Variants in PTK2 observed in about 807,000 individuals in gnomAD.
PTK2 encodes the protein protein tyrosine kinase 2.
Under a neutral mutation model 150.1 loss-of-function variants are expected in PTK2, and 45 were observed. The ratio of observed to expected loss-of-function variants is 0.30; its 90% CI spans 0.24 to 0.38. PTK2 has a LOEUF of 0.38. Ranked by LOEUF, PTK2 falls within the 10% of genes least tolerant of loss-of-function variation. The probability of loss-of-function intolerance (pLI) is 1.00; values close to 1 mark genes in which losing one functional copy is unlikely to be tolerated. For synonymous variants in PTK2, 432 were observed against 449.2 expected, an observed-to-expected ratio of 0.96 and a Z score of 0.48; for missense variants, 919 against 1,307.3, an observed-to-expected ratio of 0.70 and a Z score of 4.58.
Position 140,662,133 on chromosome 8 carries a change from C to CA in PTK2, c.2947-2456dup, listed in dbSNP as rs1197231528. Among the ~76,000 whole-genome samples the CA allele has an allele frequency of 3.3e-5, 5 of 151,792 alleles. No homozygotes were observed. In the South Asian group the frequency reaches 6.2e-4, roughly 19 times the overall value. ...GCAACACAGTAAGACACTGTCTCTA[C>CA]AAAAAAATAAAGAATTAGCTGGGCG... On this transcript the variant is annotated intron_variant, in intron 31 of 31. Transcript: ENST00000522684.
intron 1 of PTK2, among the ~76,000 whole-genome samples, chr8:140,938,919 G>A (rs1363135364): frequency 6.6e-6 from 1 of 152,022 alleles, no homozygotes; most frequent in Admixed American, 6.5e-5. Flanking sequence ...AAGGCAGGAG[G>A]ATCGCTTGAG....
rs2093762984 is a variant in PTK2 at position 140,668,554 on chromosome 8, G to A, written c.2710-130C>T. 7.7e-6 allele frequency: 8 copies of A among 1,040,606 alleles called. No homozygotes were observed. The East Asian group carries it at 2.0e-4, about 26-fold the overall frequency. 64.5% of individuals were successfully genotyped at this position (1,040,606 alleles called of 1,614,324 possible). On this transcript the variant is annotated intron_variant, in intron 29 of 31. Coordinates refer to ENST00000522684, the Ensembl canonical transcript of PTK2. ...GAAGGTCATTGATTTTCTTGTGTGT[G>A]CGGGATATAGTTCAGATTGAGAATG...
intron 1 of PTK2, among the ~76,000 whole-genome samples, chr8:141,000,087 T>TCTCACACACACACACACACACA (rs765058833): frequency 1.8e-4 from 15 of 81,650 alleles, no homozygotes; most frequent in South Asian, 4.3e-4. Context: ...TGAAACCAAT[T>TCTCACACACACACACACACACA]CACACACACA....
chr8:140,840,667 A>C (rs985194176), intron 7 of PTK2, among the ~76,000 whole-genome samples: 2 of 152,204 alleles, frequency 1.3e-5, no homozygotes, highest in Non-Finnish European at 1.5e-5. Flanking sequence ...ATGTGGAATA[A>C]GAATACCAAC....
intron 5 of PTK2, among the ~76,000 whole-genome samples, chr8:140,847,576 G>C (rs920926940): frequency 2.0e-5 from 3 of 151,986 alleles, no homozygotes; most frequent in African/African-American, 7.3e-5. Flanking sequence ...CCTCCAAGAC[G>C]CATCCCATTC....
At chr8:140,918,860 A>T (rs1487799372) in intron 2 of PTK2, among the ~76,000 whole-genome samples, 1 of 152,208 alleles carries the variant, frequency 6.6e-6, no homozygotes, top group Non-Finnish European at 1.5e-5. Flanking sequence ...GTCTTTATCT[A>T]CAAGTTGTAA....
chr8:140,711,335 G>A (rs2100036759), intron 23 of PTK2, among the ~76,000 whole-genome samples: 1 of 152,166 alleles, frequency 6.6e-6, no homozygotes, highest in South Asian at 2.1e-4. Flanking sequence ...TCGAACTACT[G>A]GCCTCAAGTG....
intron 1 of PTK2, among the ~76,000 whole-genome samples, chr8:140,962,255 G>A (rs548313405): frequency 1.7e-4 from 23 of 132,608 alleles, no homozygotes; most frequent in Middle Eastern, 3.9e-3. Flanking sequence ...AAGGAAGGGA[G>A]GAAGGGAAGA....
chr8:140,811,218 A>G (rs1009642490), intron 10 of PTK2, among the ~76,000 whole-genome samples: 1 of 152,174 alleles, frequency 6.6e-6, no homozygotes, highest in African/African-American at 2.4e-5. Context: ...GTGGATTCCT[A>G]ACCTCCAGGA....
intron 4 of PTK2, among the ~76,000 whole-genome samples, chr8:140,870,377 C>T (rs1041431893): frequency 4.6e-5 from 7 of 152,214 alleles, no homozygotes; most frequent in South Asian, 2.1e-4. Context: ...CTAAAATGAC[C>T]ATTTATAGTA....
intron 4 of PTK2, among the ~76,000 whole-genome samples, chr8:140,868,555 C>T (rs1379124677): frequency 6.6e-6 from 1 of 152,114 alleles, no homozygotes; most frequent in Non-Finnish European, 1.5e-5. Flanking sequence ...AACCTGGCTT[C>T]CATTACCTTA....
At chr8:140,766,202 C>T (rs1266579259) in intron 14 of PTK2, among the ~76,000 whole-genome samples, 1 of 152,184 alleles carries the variant, frequency 6.6e-6, no homozygotes, top group Non-Finnish European at 1.5e-5. Context: ...ATGTTTTGCA[C>T]TTGTCACCAC....
intron 10 of PTK2, among the ~76,000 whole-genome samples, chr8:140,809,051 G>A (rs1352957885): frequency 6.6e-6 from 1 of 151,948 alleles, no homozygotes; most frequent in Non-Finnish European, 1.5e-5. Context: ...AACTTCAAAT[G>A]AGTATACAGA....
chr8:140,931,928 CAAAAAAAAAAAA>C (rs765792463), intron 1 of PTK2, among the ~76,000 whole-genome samples: 2 of 54,628 alleles, frequency 3.7e-5, no homozygotes, highest in Admixed American at 2.0e-4. Flanking sequence ...GACCCAGTCT[CAAAAAAAAAAAA>C]AAAAAAAAAA....
At chr8:140,789,419 G>A (rs1383366776) in intron 14 of PTK2, 55 bp downstream of exon 14, 29 of 1,519,002 alleles carry the variant, frequency 1.9e-5, no homozygotes, top group African/African-American at 1.4e-5. Context: ...AGACATCTAT[G>A]ATCGTCTTAC....
intron 2 of PTK2, among the ~76,000 whole-genome samples, chr8:140,917,293 A>G (rs1259627780): frequency 6.7e-6 from 1 of 149,170 alleles, no homozygotes. Flanking sequence ...TGGGAGGCTG[A>G]GGCAGAACTG....
At chr8:140,670,669 G>T (rs1589227360) in intron 29 of PTK2, among the ~76,000 whole-genome samples, 1 of 151,960 alleles carries the variant, frequency 6.6e-6, no homozygotes, top group African/African-American at 2.4e-5. Context: ...TAAAGCTCAA[G>T]CCAGGGCGCT....
intron 22 of PTK2, among the ~76,000 whole-genome samples, chr8:140,723,087 T>G (rs2100043908): frequency 6.6e-6 from 1 of 152,156 alleles, no homozygotes; most frequent in Non-Finnish European, 1.5e-5. Flanking sequence ...GCCCTGATAT[T>G]TCTACCTACA....
At chr8:140,881,234 C>T (rs187498863) in intron 3 of PTK2, among the ~76,000 whole-genome samples, 1 of 152,296 alleles carries the variant, frequency 6.6e-6, no homozygotes, top group African/African-American at 2.4e-5. Flanking sequence ...GGATATCCAG[C>T]TGAGGGTGAA....
Sources: gnomAD v4.1 joint callset for allele counts (sites outside exome capture counted in the v4.1 genomes callset) on GRCh38, gnomAD v4.1.1 for gene constraint, MANE v1.5 for transcripts, NCBI Gene and HGNC (gene_info 2026-07-23, HGNC 2026-07-21) for gene names.